SSBP2: variants seen among roughly 807,000 people sequenced by gnomAD.
The protein encoded by SSBP2 is single stranded DNA binding protein 2, also known as single-stranded DNA-binding protein 2.
Under a neutral mutation model 61.8 loss-of-function variants are expected in SSBP2, and 17 were observed. The observed-to-expected ratio is 0.28, with a 90% CI of 0.19 to 0.41. The LOEUF is 0.41. Among genes scored for constraint, SSBP2 ranks in the 10% least tolerant of loss-of-function variants. The pLI is 1.00. For synonymous variants in SSBP2, 139 were observed against 141.3 expected, an observed-to-expected ratio of 0.98 and a Z score of 0.12; for missense variants, 310 against 458.7, an observed-to-expected ratio of 0.68 and a Z score of 2.96.
intron 8 of SSBP2, among the ~76,000 whole-genome samples, 185 bp downstream of exon 8, chr5:81,473,515 T>G (rs966577533): frequency 6.6e-6 from 1 of 152,170 alleles, no homozygotes; most frequent in African/African-American, 2.4e-5. Context: ...CTGTGTTAGT[T>G]TGCTGAGGAT....
chr5:81,481,634 A>AAAC (rs71000838), intron 6 of SSBP2, among the ~76,000 whole-genome samples: 18 of 150,080 alleles, frequency 1.2e-4, no homozygotes, highest in Non-Finnish European at 1.6e-4. Context: ...AAAAAAAAAA[A>AAAC]CAAACTGAAA....
intron 4 of SSBP2, among the ~76,000 whole-genome samples, chr5:81,597,355 A>G (rs1449032032): frequency 1.3e-5 from 2 of 152,210 alleles, no homozygotes; most frequent in Non-Finnish European, 2.9e-5. Flanking sequence ...AAGTCAGGAA[A>G]CAACAGGTGC....
chr5:81,730,729 G>T (rs1431178795), intron 1 of SSBP2, among the ~76,000 whole-genome samples: 1 of 151,976 alleles, frequency 6.6e-6, no homozygotes, highest in East Asian at 1.9e-4. Flanking sequence ...ATACAATCTG[G>T]TAGAAAGGAA....
intron 4 of SSBP2, among the ~76,000 whole-genome samples, chr5:81,613,145 A>ATTAATTG (rs1461317565): frequency 1.3e-5 from 2 of 152,196 alleles, no homozygotes; most frequent in African/African-American, 4.8e-5. Flanking sequence ...ATTGGTTTTA[A>ATTAATTG]GATGTAATAA....
At chr5:81,561,556 T>G (rs1268629106) in intron 4 of SSBP2, among the ~76,000 whole-genome samples, 1 of 151,826 alleles carries the variant, frequency 6.6e-6, no homozygotes, top group Non-Finnish European at 1.5e-5. Context: ...TCTCTTCTAC[T>G]AAGTACTAAA....
At chr5:81,734,753 T>TGA (rs1756483262) in intron 1 of SSBP2, among the ~76,000 whole-genome samples, 1 of 151,972 alleles carries the variant, frequency 6.6e-6, no homozygotes, top group Admixed American at 6.6e-5. Flanking sequence ...GGGCAGATCA[T>TGA]GAGGTCAGGA....
chr5:81,471,781 C>T (rs1049559322), intron 8 of SSBP2, among the ~76,000 whole-genome samples: 7 of 151,584 alleles, frequency 4.6e-5, no homozygotes, highest in African/African-American at 1.5e-4. Context: ...CATATATTTA[C>T]GTGACACCAT....
At chr5:81,690,348 C>A (rs926096588) in intron 1 of SSBP2, among the ~76,000 whole-genome samples, 1 of 151,970 alleles carries the variant, frequency 6.6e-6, no homozygotes. Flanking sequence ...CGATCTGTTG[C>A]GTACAATAAA....
chr5:81,423,896 T>G (rs1289304738), intron 16 of SSBP2, among the ~76,000 whole-genome samples: 1 of 152,230 alleles, frequency 6.6e-6, no homozygotes, highest in African/African-American at 2.4e-5. Flanking sequence ...TTATCAACCA[T>G]TTTTATTTAT....
At chr5:81,565,606 A>G (rs886524021) in intron 4 of SSBP2, among the ~76,000 whole-genome samples, 2 of 152,180 alleles carry the variant, frequency 1.3e-5, no homozygotes, top group Non-Finnish European at 2.9e-5. Context: ...ACATACTTCC[A>G]TTATAGAATT....
chr5:81,700,399 G>C (rs1002105788), intron 1 of SSBP2, among the ~76,000 whole-genome samples: 2 of 152,188 alleles, frequency 1.3e-5, no homozygotes, highest in African/African-American at 4.8e-5. Flanking sequence ...CTGTCTTCCA[G>C]GCTTTGTTGT....
intron 1 of SSBP2, among the ~76,000 whole-genome samples, chr5:81,670,867 CA>C (rs1259750307): frequency 6.6e-6 from 1 of 152,188 alleles, no homozygotes; most frequent in Non-Finnish European, 1.5e-5. Flanking sequence ...AGCTGTGACA[CA>C]TTCGGTGATG....
intron 1 of SSBP2, among the ~76,000 whole-genome samples, chr5:81,732,814 A>T (rs961129213): frequency 6.6e-6 from 1 of 152,112 alleles, no homozygotes; most frequent in Non-Finnish European, 1.5e-5. Flanking sequence ...ATACTTTTTT[A>T]AAAAAAGATA....
chr5:81,633,106 G>GTTT (rs1641894299), intron 3 of SSBP2, among the ~76,000 whole-genome samples: 1 of 108,886 alleles, frequency 9.2e-6, no homozygotes, highest in African/African-American at 3.7e-5. Flanking sequence ...CTGAGCCTCT[G>GTTT]TCTTTTTTTT....
At chr5:81,738,912 C>A (rs1011142557) in intron 1 of SSBP2, among the ~76,000 whole-genome samples, 1 of 152,066 alleles carries the variant, frequency 6.6e-6, no homozygotes, top group African/African-American at 2.4e-5. Flanking sequence ...CGTCTGTAAT[C>A]CCAGCACTTT....
At chr5:81,748,366 G>A (rs548916661) in intron 1 of SSBP2, among the ~76,000 whole-genome samples, 26 of 152,046 alleles carry the variant, frequency 1.7e-4, no homozygotes, top group Non-Finnish European at 2.9e-4. Flanking sequence ...CAAAAATCTG[G>A]TGACATCCAT....
rs79789090 is a variant in SSBP2 at position 81,656,430 on chromosome 5, A to G, written c.63-6091T>C. Among the ~76,000 whole-genome samples the G allele has an allele frequency of 3.6e-4, 55 of 152,330 alleles. 1 individual carries two copies. The East Asian group carries it at 0.01, about 28-fold the overall frequency. The stretch of plus-strand genomic sequence containing the variant: ...CAAAAATTAAATAAAATTAAAAAGC[A>G]ATAAAGGACATAACATATAGCCTTA... On this transcript the variant is annotated intron_variant, in intron 1 of 16. Transcript: ENST00000320672.
chr5:81,633,229 C>T (rs1747900169), intron 3 of SSBP2, among the ~76,000 whole-genome samples: 1 of 150,440 alleles, frequency 6.6e-6, no homozygotes. Flanking sequence ...TATTCATCTG[C>T]CTCAACCTCC....
intron 1 of SSBP2, among the ~76,000 whole-genome samples, chr5:81,744,562 T>G (rs1330701694): frequency 2.0e-5 from 3 of 152,018 alleles, no homozygotes; most frequent in Non-Finnish European, 4.4e-5. Flanking sequence ...ATATTCGTAA[T>G]TACAACCATA....
Sources: gnomAD v4.1 joint callset for allele counts (sites outside exome capture counted in the v4.1 genomes callset) on GRCh38, gnomAD v4.1.1 for gene constraint, MANE v1.5 for transcripts, NCBI Gene and HGNC (gene_info 2026-07-23, HGNC 2026-07-21) for gene names.